Variants in LAT2 observed in about 807,000 individuals in gnomAD.
LAT2 encodes the protein linker for activation of T-cells family member 2.
LAT2 carries 23 observed loss-of-function variants against 43.4 expected under a neutral mutation model. The ratio of observed to expected loss-of-function variants is 0.53; its 90% CI spans 0.38 to 0.75. The LOEUF is 0.75. Ranked by LOEUF, LAT2 falls within the 30% of genes least tolerant of loss-of-function variation. LAT2 has a pLI of 0.00. For synonymous variants in LAT2, 128 were observed against 123.2 expected (o/e 1.04, Z -0.26); for missense variants, 284 against 310.2 (o/e 0.92, Z 0.64).
Position 74,210,460 on chromosome 7 carries a change from C to T in LAT2, c.-219+372C>T, listed in dbSNP as rs75781549. 8.6e-3 allele frequency among the ~76,000 whole-genome samples: 1,313 copies of T among 152,272 alleles called. 10 individuals carry two copies. The highest frequency in any genetic ancestry group is 0.029 in the African/African-American group (1,221 of 41,554). On this transcript the variant is annotated intron_variant, in intron 1 of 13. Coordinates refer to ENST00000460943, the MANE Select transcript of LAT2 (RefSeq NM_032464.3). ...ACCCCCTACACAGGTCAGGGGAAAA[C>T]GGTGGGATTACAGGCCAGGGCCCAG...
intron 13 of LAT2, among the ~76,000 whole-genome samples, chr7:74,227,055 CTTTTTT>C (rs35992128): frequency 1.5e-5 from 2 of 133,868 alleles, no homozygotes; most frequent in Non-Finnish European, 3.2e-5. Flanking sequence ...GTTGTTTTTT[CTTTTTT>C]TTTTTTTTTC....
chr7:74,219,819 T>C, intron 5 of LAT2, 32 bp downstream of exon 5: 1 of 1,613,528 alleles, frequency 6.2e-7, no homozygotes, highest in East Asian at 2.2e-5. Context: ...GGTTGGGCTC[T>C]GGGTTGGGGG....
At chr7:74,216,163 G>A (rs782033113) in intron 3 of LAT2, 94 bp downstream of exon 3, 11 of 1,080,500 alleles carry the variant, frequency 1.0e-5, no homozygotes, top group Non-Finnish European at 1.5e-5. Context: ...GGTCAGAAGA[G>A]GTGGTCAGAT....
intron 2 of LAT2, 65 bp from the exon 3 acceptor site, chr7:74,215,882 A>G (rs1802020208): frequency 1.8e-6 from 2 of 1,099,112 alleles, no homozygotes; most frequent in Non-Finnish European, 2.8e-6. Flanking sequence ...GTCCGAGCAC[A>G]GTGGGGGTGT....
rs1802424847 is a variant in LAT2 at position 74,224,770 on chromosome 7, C to G, written c.*18+10C>G. 6.6e-7 allele frequency: 1 copy of G among 1,516,816 alleles called. No homozygotes were observed. The highest frequency in any genetic ancestry group is 1.4e-5 in the African/African-American group (1 of 72,804). 94.0% of individuals were successfully genotyped at this position (1,516,816 alleles called of 1,614,324 possible). A position where few individuals can be genotyped will look rare whatever the true frequency, so the allele number is the denominator to read the frequency against. On this transcript the variant is annotated intron_variant, in intron 13 of 13. Coordinates refer to ENST00000460943, the MANE Select transcript of LAT2 (RefSeq NM_032464.3). Reference sequence around the variant, plus strand: ...CAGACCAAGAAGAAAGGTACAGCCCCTGCTCTCCAGCTGCCGTGGGCCAAG... The same window carrying G: ...CAGACCAAGAAGAAAGGTACAGCCCGTGCTCTCCAGCTGCCGTGGGCCAAG...
chr7:74,226,157 T>C (rs1554716088), intron 13 of LAT2: 1 of 148,620 alleles, frequency 6.7e-6, no homozygotes, highest in East Asian at 2.0e-4. Flanking sequence ...TTTTTTTTTT[T>C]GAGACAGAGT....
chr7:74,213,619 T>C (rs887298428), intron 1 of LAT2, among the ~76,000 whole-genome samples: 7 of 151,888 alleles, frequency 4.6e-5, no homozygotes, highest in African/African-American at 9.7e-5. Context: ...GAGATGGGGT[T>C]TCACCATGTT....
intron 10 of LAT2, 59 bp downstream of exon 10, chr7:74,221,751 C>T: frequency 2.8e-6 from 4 of 1,454,110 alleles, no homozygotes; most frequent in Non-Finnish European, 3.8e-6. Context: ...AGGGCAGAAG[C>T]CATACCTCCA....
chr7:74,224,766 GC>G lies in LAT2; in HGVS notation c.*18+10del, dbSNP rs782728815. ...AGGGCAGACCAAGAAGAAAGGTACA[GC>G]CCCTGCTCTCCAGCTGCCGTGGGCC... On this transcript the variant is annotated splice_region_variant and intron_variant, in intron 13 of 13. Transcript: ENST00000460943. The G allele has an allele frequency of 6.5e-6, 10 of 1,528,338 alleles. No homozygotes were observed. Among genetic ancestry groups the G allele is most frequent in the African/African-American group, 1.4e-5 (1 of 72,968 alleles). 94.7% of individuals were successfully genotyped at this position (1,528,338 alleles called of 1,614,324 possible).
intron 1 of LAT2, among the ~76,000 whole-genome samples, chr7:74,214,040 G>GTATATATATA (rs374928543): frequency 1.9e-5 from 2 of 106,334 alleles, no homozygotes; most frequent in African/African-American, 8.3e-5. Flanking sequence ...CCATATATAT[G>GTATATATATA]TATATATATA....
intron 4 of LAT2, 148 bp from the exon 5 acceptor site, chr7:74,219,596 C>A: frequency 2.1e-6 from 2 of 952,732 alleles, no homozygotes; most frequent in Admixed American, 1.7e-5. Flanking sequence ...GAGAATGAGG[C>A]CTGAAAGGGC....
intron 4 of LAT2, 95 bp downstream of exon 4, chr7:74,216,959 C>A: frequency 9.5e-7 from 1 of 1,056,944 alleles, no homozygotes; most frequent in Non-Finnish European, 1.5e-6. Flanking sequence ...TTCACCCCTT[C>A]ACTCACACCT....
In LAT2 at chr7:74,220,144, A is replaced by G; in HGVS notation, c.228-73A>G. 3.2e-6 allele frequency: 5 copies of G among 1,556,038 alleles called. No homozygotes were observed. In the South Asian group the frequency reaches 5.9e-5, roughly 18 times the overall value. On this transcript the variant is annotated intron_variant, in intron 6 of 13. Transcript: ENST00000460943. This position sits in a 1 kb window ranked among gnomAD's most constrained non-coding sequence, Gnocchi z 4.5. ...CAGCTATGAAGGCCCCACAAGGGGT[A>G]TGGGGGGATGTGTCCTGGGGGGCCT...
At position 74,224,044 on chromosome 7, in the gene LAT2, C is replaced by T. The variant is rs1802390794; in HGVS notation, c.475C>T (p.Leu159Phe). Residue 159 changes from leucine to phenylalanine, a missense_variant, in exon 12 of 14, where the codon CTC becomes TTC. Physicochemically the swap from Leu to Phe is conservative, Grantham distance 22 (BLOSUM62 0). Coordinates refer to ENST00000460943, the MANE Select transcript of LAT2 (RefSeq NM_032464.3). ...TGCCCAGCAGGAGGGCATAGGTGGC[C>T]TCTGCAGAGGGGACCTCAGCCTGTC... ...TGAQQEGIGG[L>F]CRGDLSLSLA... 6.2e-7 allele frequency: 1 copy of T among 1,614,018 alleles called. No homozygotes were observed. The highest frequency in any genetic ancestry group is 1.7e-5 in the Admixed American group (1 of 59,996).
rs369438020 is a variant in LAT2, at chr7:74,216,063, C to A, written c.88C>A (p.Arg30Ser). 1.2e-6 allele frequency: 2 copies of A among 1,610,364 alleles called. No homozygotes were observed. The highest frequency in any genetic ancestry group is 2.2e-5 in the South Asian group (2 of 90,878). The part of the protein sequence containing the change: ...VAASLCVRCS[R>S]PGAKRSEKIY... ...AGCCAGTCTGTGTGTGCGCTGCTCA[C>A]GCCCAGGTAAGCGGGGGTCTCGGGG... Residue 30 changes from arginine to serine, a missense_variant, in exon 3 of 14, where the codon CGC (arginine) becomes AGC (serine). Transcript: ENST00000460943.
chr7:74,218,039 C>G (rs1458113133), intron 4 of LAT2, among the ~76,000 whole-genome samples: 1 of 152,182 alleles, frequency 6.6e-6, no homozygotes, highest in Non-Finnish European at 1.5e-5. Flanking sequence ...GACACTTCCC[C>G]TCTCCCCTCA....
intron 10 of LAT2, among the ~76,000 whole-genome samples, chr7:74,222,230 CAAA>C (rs113312443): frequency 0.047 from 3,089 of 65,612 alleles, 123 homozygotes; most frequent in African/African-American, 0.14. Flanking sequence ...TACAAAAATA[CAAA>C]AAAAAAAAAA....
chr7:74,220,165 G>C lies in LAT2; in HGVS notation c.228-52G>C. 2.5e-6 allele frequency: 4 copies of C among 1,573,158 alleles called. No individual in the cohort carries two copies. The highest frequency in any genetic ancestry group is 3.5e-6 in the Non-Finnish European group (4 of 1,154,886). On this transcript the variant is annotated intron_variant, in intron 6 of 13. Coordinates refer to ENST00000460943, the MANE Select transcript of LAT2 (RefSeq NM_032464.3). The surrounding 1 kb of genome is among the most constrained non-coding windows in gnomAD (Gnocchi z 4.5). ...GGGTATGGGGGGATGTGTCCTGGGG[G>C]GCCTCTCCCCTACAGCCCCTCCTTT...
rs145959944 is a variant in LAT2 at position 74,228,393 on chromosome 7, G to A, written c.*19-551G>A. 1.3e-3 allele frequency among the ~76,000 whole-genome samples: 195 copies of A among 150,710 alleles called. 1 individual carries two copies. The highest frequency in any genetic ancestry group is 4.4e-3 in the African/African-American group (182 of 41,070). ...TGGGAGGCTGAGGCAAGAGAATGGCGTGAACCCGGGAGGCAGAGCTTGCAG... is the reference window on the plus strand; with the variant it reads ...TGGGAGGCTGAGGCAAGAGAATGGCATGAACCCGGGAGGCAGAGCTTGCAG... On this transcript the variant is annotated intron_variant, in intron 13 of 13. Transcript: ENST00000460943.
Sources: gnomAD v4.1 joint callset for allele counts (sites outside exome capture counted in the v4.1 genomes callset) on GRCh38, gnomAD v4.1.1 for gene constraint, Gnocchi (gnomAD v3.1) non-coding constraint, MANE v1.5 for transcripts, NCBI Gene and HGNC (gene_info 2026-07-23, HGNC 2026-07-21) for gene names.